Variants in COP1 observed in about 807,000 individuals in gnomAD.
The protein encoded by COP1 is E3 ubiquitin-protein ligase COP1.
COP1 carries 24 observed loss-of-function variants against 101.3 expected under a neutral mutation model. The ratio of observed to expected loss-of-function variants is 0.24; its 90% CI spans 0.17 to 0.33. The LOEUF is 0.33. Among genes scored for constraint, COP1 ranks in the 10% least tolerant of loss-of-function variants. The pLI, the probability that COP1 is intolerant of heterozygous loss-of-function variation, is 1.00. For missense variants in COP1, 663 were observed against 906.2 expected (o/e 0.73, Z 3.45); for synonymous variants, 347 against 341.9 (o/e 1.01, Z -0.17).
rs142130934 is a variant in COP1 at position 176,043,810 on chromosome 1, C to A, written c.1430G>T (p.Ser477Ile). Residue 477 changes from serine to isoleucine, a missense_variant, in exon 13 of 20, where the codon AGT (serine) becomes ATT (isoleucine). By Grantham distance (142) the Ser-to-Ile change is moderately radical. This residue lies in a region of COP1 where 209 missense variants were observed against 383.3 expected (regional missense o/e 0.55). Coordinates refer to ENST00000367669, the MANE Select transcript of COP1 (RefSeq NM_022457.7). ...CAGGTTCTTATGGTAACTACTCCAACTGATACAGCTGAAAGAAATACAGTT... is the reference window on the plus strand; with the variant it reads ...CAGGTTCTTATGGTAACTACTCCAAATGATACAGCTGAAAGAAATACAGTT... ...MTCNSKISCISWSSYHKNLLA... is the reference protein window; with the variant it reads ...MTCNSKISCIIWSSYHKNLLA... 104 of 1,562,288 alleles carry A rather than the reference C, an allele frequency of 6.7e-5. No homozygotes were observed. The highest frequency in any genetic ancestry group is 7.9e-6 in the Non-Finnish European group (9 of 1,135,360).
chr1:176,101,792 C>T (rs1683440438), intron 9 of COP1, among the ~76,000 whole-genome samples: 1 of 152,180 alleles, frequency 6.6e-6, no homozygotes, highest in Non-Finnish European at 1.5e-5. Flanking sequence ...GCAACCGAAG[C>T]CTCAGATGAT....
intron 15 of COP1, among the ~76,000 whole-genome samples, chr1:176,009,694 A>G (rs1664267102): frequency 6.6e-6 from 1 of 152,276 alleles, no homozygotes; most frequent in East Asian, 1.9e-4. Context: ...GATTATTGTT[A>G]TTATTATGCC....
intron 18 of COP1, among the ~76,000 whole-genome samples, chr1:175,958,872 C>T (rs1007377269): frequency 4.6e-5 from 7 of 151,934 alleles, no homozygotes; most frequent in South Asian, 2.1e-4. Context: ...ACTTCATCTA[C>T]GAGTTCAGCC....
rs140876557 is a variant in COP1, at chr1:176,141,686, G to A, written c.832-5139C>T. Among the ~76,000 whole-genome samples the A allele has an allele frequency of 8.6e-4, 130 of 151,278 alleles. No homozygotes were observed. The East Asian group carries it at 0.024, about 27-fold the overall frequency. ...TTCATATCTAGTTCCTGAAATGGCA[G>A]ACCTGATTAAAAGACTTCATTTAAC... On this transcript the variant is annotated intron_variant, in intron 6 of 19. Coordinates refer to ENST00000367669, the MANE Select transcript of COP1 (RefSeq NM_022457.7).
intron 18 of COP1, among the ~76,000 whole-genome samples, chr1:175,962,620 C>T (rs759382265): frequency 3.3e-5 from 5 of 152,064 alleles, no homozygotes; most frequent in Non-Finnish European, 7.4e-5. Flanking sequence ...CTTTGAATAT[C>T]AAATAAATTT....
chr1:176,204,273 T>C (rs556065657), intron 1 of COP1, among the ~76,000 whole-genome samples: 1 of 152,300 alleles, frequency 6.6e-6, no homozygotes, highest in East Asian at 1.9e-4. Context: ...CACAGAATTG[T>C]TCTAAGGATA....
intron 5 of COP1, among the ~76,000 whole-genome samples, chr1:176,153,653 T>A (rs1471448921): frequency 6.6e-6 from 1 of 152,232 alleles, no homozygotes; most frequent in Non-Finnish European, 1.5e-5. Context: ...AAAGAGGGCA[T>A]CCTTGTCTTG....
At chr1:176,064,073 G>A (rs946157689) in intron 11 of COP1, among the ~76,000 whole-genome samples, 3 of 152,132 alleles carry the variant, frequency 2.0e-5, no homozygotes, top group African/African-American at 7.2e-5. Context: ...CCAATTAAAA[G>A]TATAAAAACC....
At chr1:175,989,202 C>T (rs1360615117) in intron 16 of COP1, 160 bp downstream of exon 16, 4 of 475,544 alleles carry the variant, frequency 8.4e-6, no homozygotes, top group Non-Finnish European at 1.5e-5. Flanking sequence ...AGAAACCACA[C>T]TACTTTAATT....
chr1:176,128,778 T>TA (rs919894904), intron 8 of COP1, among the ~76,000 whole-genome samples: 7 of 151,776 alleles, frequency 4.6e-5, no homozygotes, highest in East Asian at 1.9e-4. Context: ...TTTCCTGCAT[T>TA]AAAAAAAATT....
chr1:176,104,137 C>T (rs566460941), intron 9 of COP1, among the ~76,000 whole-genome samples: 32 of 152,168 alleles, frequency 2.1e-4, no homozygotes, highest in African/African-American at 7.5e-4. Context: ...CATAGCTAGT[C>T]ATTTGGATGG....
chr1:176,151,402 A>G (rs530835809), intron 5 of COP1, among the ~76,000 whole-genome samples: 6 of 135,948 alleles, frequency 4.4e-5, no homozygotes, highest in African/African-American at 1.5e-4. Context: ...AGAAAGAAAG[A>G]AAGAAAGAAA....
In COP1 at chr1:175,998,875, T is replaced by C. The variant is rs186588512; in HGVS notation, c.1730-9396A>G. On this transcript the variant is annotated intron_variant, in intron 15 of 19. Transcript: ENST00000367669. Reference sequence around the variant, plus strand: ...CATTTCAGTGCCTGTTAAGCAATAATGGAATGGAACTTCATTGAGTGGTAC... The same window carrying C: ...CATTTCAGTGCCTGTTAAGCAATAACGGAATGGAACTTCATTGAGTGGTAC... 1.1e-4 allele frequency among the ~76,000 whole-genome samples: 16 copies of C among 152,226 alleles called. No individual in the cohort carries two copies. The East Asian group carries it at 3.1e-3, about 29-fold the overall frequency.
intron 16 of COP1, 172 bp from the exon 17 acceptor site, chr1:175,988,584 G>A: frequency 3.7e-6 from 2 of 538,848 alleles, no homozygotes; most frequent in Non-Finnish European, 6.1e-6. Flanking sequence ...TGTATTCCAA[G>A]CAATTTGGTA....
At chr1:175,995,816 G>A (rs575264211) in intron 15 of COP1, among the ~76,000 whole-genome samples, 1 of 152,292 alleles carries the variant, frequency 6.6e-6, no homozygotes, top group African/African-American at 2.4e-5. Context: ...TCTACCAGAG[G>A]TACAAGGAGG....
intron 2 of COP1, among the ~76,000 whole-genome samples, chr1:176,179,714 TGA>T (rs1416954876): frequency 1.3e-5 from 2 of 152,172 alleles, no homozygotes; most frequent in African/African-American, 2.4e-5. Context: ...TCCAGCCTGG[TGA>T]GAGAGTGACA....
chr1:176,105,684 A>G (rs1684186695), intron 9 of COP1, among the ~76,000 whole-genome samples: 1 of 152,224 alleles, frequency 6.6e-6, no homozygotes, highest in African/African-American at 2.4e-5. Context: ...TATGCTATAG[A>G]ATATATTAAC....
chr1:176,104,726 T>C (rs1315405388), intron 9 of COP1, among the ~76,000 whole-genome samples: 2 of 152,138 alleles, frequency 1.3e-5, no homozygotes, highest in Non-Finnish European at 2.9e-5. Context: ...CAAACTGCTT[T>C]TGGAGGGTGG....
At chr1:176,103,478 G>T (rs539430536) in intron 9 of COP1, among the ~76,000 whole-genome samples, 2 of 152,296 alleles carry the variant, frequency 1.3e-5, no homozygotes, top group South Asian at 4.1e-4. Context: ...CCCAGAGAGG[G>T]CATGGAAGCT....
Sources: gnomAD v4.1 joint callset for allele counts (sites outside exome capture counted in the v4.1 genomes callset) on GRCh38, gnomAD v4.1.1 for gene constraint, gnomAD v4.1.1 regional missense constraint, MANE v1.5 for transcripts, NCBI Gene and HGNC (gene_info 2026-07-23, HGNC 2026-07-21) for gene names.